MICU2: variants seen among roughly 807,000 people sequenced by gnomAD.
MICU2 encodes the protein calcium uptake protein 2, mitochondrial.
A neutral mutation model predicts 60.4 loss-of-function variants in MICU2; 64 were observed. That is an observed-to-expected ratio of 1.06 (90% confidence interval 0.87 to 1.31). MICU2 has a LOEUF of 1.31. Ranked by LOEUF, MICU2 falls within the 50% of genes most tolerant of loss-of-function variation. The pLI, the probability that MICU2 is intolerant of heterozygous loss-of-function variation, is 0.00. For synonymous variants in MICU2, 201 were observed against 175.0 expected, an observed-to-expected ratio of 1.15 and a Z score of -1.17; for missense variants, 569 against 531.0, an observed-to-expected ratio of 1.07 and a Z score of -0.70.
chr13:21,521,466 A>C, intron 5 of MICU2, 139 bp from the exon 6 acceptor site: 1 of 617,396 alleles, frequency 1.6e-6, no homozygotes, highest in East Asian at 3.0e-5. Context: ...GATTTCTTAT[A>C]ACAATTCCAA....
intron 2 of MICU2, among the ~76,000 whole-genome samples, chr13:21,550,158 T>A (rs1355344652): frequency 6.6e-6 from 1 of 152,230 alleles, no homozygotes; most frequent in Non-Finnish European, 1.5e-5. Context: ...CACTCTATCA[T>A]CTCATTCCAG....
At position 21,582,394 on chromosome 13, in the gene MICU2, T is replaced by C. The variant is rs574165114; in HGVS notation, c.211-15450A>G. ...TTTGACTTTTCCCCTAATTTTTCTA[T>C]AATATACATGTATTTCAATAAGAAA... On this transcript the variant is annotated intron_variant, in intron 1 of 11. Coordinates refer to ENST00000382374, the MANE Select transcript of MICU2 (RefSeq NM_152726.3). Among the ~76,000 whole-genome samples the C allele has an allele frequency of 3.6e-3, 554 of 152,298 alleles. 3 individuals are homozygous for C. Among genetic ancestry groups the C allele is most frequent in the African/African-American group, 0.013 (529 of 41,568 alleles).
intron 8 of MICU2, among the ~76,000 whole-genome samples, chr13:21,504,019 T>C (rs1430777650): frequency 6.6e-6 from 1 of 152,144 alleles, no homozygotes; most frequent in African/African-American, 2.4e-5. Flanking sequence ...CTTAAAAGCA[T>C]GAAGGAGGAG....
chr13:21,539,374 T>A lies in MICU2; in HGVS notation c.394A>T (p.Ile132Phe). The change falls in exon 4 of 12, where the codon ATC (isoleucine) becomes TTC (phenylalanine). Residue 132 changes from isoleucine (I) to phenylalanine (F), a missense_variant. By Grantham distance (21) the Ile-to-Phe change is conservative (BLOSUM62 0). Coordinates refer to ENST00000382374, the MANE Select transcript of MICU2 (RefSeq NM_152726.3). ...TSVKKLTKKD[I>F]EDTLSGIQTA... ...TGGATCCCTGACAGTGTATCCTCGA[T>A]GTCCTTTGAATACACATATTAAAAT... The A allele has an allele frequency of 1.2e-6, 2 of 1,613,712 alleles. No individual in the cohort carries two copies. The highest frequency in any genetic ancestry group is 8.5e-7 in the Non-Finnish European group (1 of 1,179,754).
At chr13:21,523,257 A>G (rs1310389767) in intron 4 of MICU2, among the ~76,000 whole-genome samples, 3 of 152,184 alleles carry the variant, frequency 2.0e-5, no homozygotes, top group African/African-American at 4.8e-5. Flanking sequence ...CCAATTCTTC[A>G]CAGCCAACCT....
In MICU2 at chr13:21,566,831, G is replaced by A. The variant is rs763918348; in HGVS notation, c.324C>T (p.Asp108=). Residue 108 remains aspartate (D), a synonymous_variant, in exon 2 of 12, where the codon GAC becomes GAT. Coordinates refer to ENST00000382374, the MANE Select transcript of MICU2 (RefSeq NM_152726.3). ...HEGEYYMTPR[D]FLFSVMFEQM... ...GCTCAAACATCACTGAGAAGAGGAA[G>A]TCTCGTGGTGTCATATAATATTCTC... is the stretch of plus-strand genomic sequence containing the variant. 1 of 1,606,546 alleles carries A rather than the reference G, an allele frequency of 6.2e-7. No individual in the cohort carries two copies. The highest frequency in any genetic ancestry group is 8.5e-7 in the Non-Finnish European group (1 of 1,176,856).
chr13:21,596,452 C>A (rs1179400529), intron 1 of MICU2, among the ~76,000 whole-genome samples: 2 of 151,218 alleles, frequency 1.3e-5, no homozygotes, highest in African/African-American at 4.9e-5. Context: ...GAGACAGAGT[C>A]TGGCTCTGTC....
chr13:21,584,614 CTA>C (rs1888420106), intron 1 of MICU2, among the ~76,000 whole-genome samples: 1 of 151,866 alleles, frequency 6.6e-6, no homozygotes, highest in South Asian at 2.1e-4. Context: ...TCATAGATGT[CTA>C]TGAAAATTTT....
At chr13:21,590,905 A>C (rs189240226) in intron 1 of MICU2, among the ~76,000 whole-genome samples, 9 of 152,294 alleles carry the variant, frequency 5.9e-5, no homozygotes, top group Admixed American at 5.9e-4. Context: ...GGAAAAGAAG[A>C]ACTGATACCA....
At chr13:21,497,606 A>C (rs916591061) in intron 9 of MICU2, among the ~76,000 whole-genome samples, 1 of 152,064 alleles carries the variant, frequency 6.6e-6, no homozygotes, top group Non-Finnish European at 1.5e-5. Flanking sequence ...GCGACTGAGG[A>C]GGCTTAGGCA....
intron 2 of MICU2, among the ~76,000 whole-genome samples, chr13:21,562,873 C>A (rs1006647760): frequency 6.6e-6 from 1 of 152,136 alleles, no homozygotes; most frequent in African/African-American, 2.4e-5. Flanking sequence ...CCTGATATAT[C>A]GTTTTCCTTC....
intron 1 of MICU2, among the ~76,000 whole-genome samples, chr13:21,589,692 C>T (rs1463923928): frequency 1.3e-5 from 2 of 152,142 alleles, no homozygotes; most frequent in Non-Finnish European, 2.9e-5. Flanking sequence ...CCTGCTCCAC[C>T]CTGACTCCTT....
At chr13:21,587,369 T>C (rs1888482453) in intron 1 of MICU2, among the ~76,000 whole-genome samples, 1 of 152,250 alleles carries the variant, frequency 6.6e-6, no homozygotes, top group African/African-American at 2.4e-5. Context: ...ACCTGACAGA[T>C]GTCTTCTTAC....
chr13:21,531,135 G>A, intron 4 of MICU2: 1 of 917,148 alleles, frequency 1.1e-6, no homozygotes, highest in East Asian at 2.4e-5. Flanking sequence ...CTTTCTTGTG[G>A]TTATCTATGA....
chr13:21,508,128 CT>C (rs796385356), intron 8 of MICU2, among the ~76,000 whole-genome samples: 1,482 of 136,796 alleles, frequency 0.011, 17 homozygotes, highest in African/African-American at 0.032. Flanking sequence ...GCTCTTCTTT[CT>C]TTTTTTTTTT....
intron 4 of MICU2, among the ~76,000 whole-genome samples, chr13:21,525,330 C>T (rs1886823873): frequency 1.3e-5 from 2 of 151,244 alleles, no homozygotes; most frequent in Admixed American, 1.3e-4. Context: ...GTAGCTGGGA[C>T]TACAGGCGCC....
At chr13:21,524,166 C>T (rs1393913372) in intron 4 of MICU2, among the ~76,000 whole-genome samples, 1 of 152,024 alleles carries the variant, frequency 6.6e-6, no homozygotes, top group Non-Finnish European at 1.5e-5. Context: ...GCAAAATGCA[C>T]AATTAACAAT....
At chr13:21,553,104 A>C (rs1887614704) in intron 2 of MICU2, among the ~76,000 whole-genome samples, 1 of 152,030 alleles carries the variant, frequency 6.6e-6, no homozygotes, top group South Asian at 2.1e-4. Flanking sequence ...CTTTTATTTC[A>C]TTGAGCAGTG....
At position 21,551,588 on chromosome 13, in the gene MICU2, T is replaced by TC. The variant is rs1409862923; in HGVS notation, c.359-11901dup. Reference sequence around the variant, plus strand: ...ATCTCCTAATGCTATCCCTCCCCCCTCCCCCCACCCCACAACAGGCCCAGG... The same window carrying TC: ...ATCTCCTAATGCTATCCCTCCCCCCTCCCCCCCACCCCACAACAGGCCCAGG... On this transcript the variant is annotated intron_variant, in intron 2 of 11. Coordinates refer to ENST00000382374, the MANE Select transcript of MICU2 (RefSeq NM_152726.3). 4.0e-4 allele frequency among the ~76,000 whole-genome samples: 29 copies of TC among 72,976 alleles called. 1 individual carries two copies. The highest frequency in any genetic ancestry group is 1.6e-3 in the African/African-American group (28 of 17,670). 47.9% of individuals were successfully genotyped at this position (72,976 alleles called of 152,430 possible).
Sources: allele counts gnomAD v4.1 joint callset (sites outside exome capture counted in the v4.1 genomes callset), GRCh38; gene constraint gnomAD v4.1.1; transcripts MANE v1.5; gene names NCBI Gene and HGNC (gene_info 2026-07-23, HGNC 2026-07-21).